The following KCTD1 variants were observed in gnomAD, a reference collection of about 807,000 sequenced individuals.
KCTD1 encodes the protein potassium channel tetramerization domain containing 1, also known as BTB/POZ domain-containing protein KCTD1.
Under a neutral mutation model 66.0 loss-of-function variants are expected in KCTD1, and 24 were observed. The ratio of observed to expected loss-of-function variants is 0.36; its 90% CI spans 0.26 to 0.51. The LOEUF (loss-of-function observed/expected upper bound fraction) is 0.51, where lower values mean the gene tolerates loss of function less well. KCTD1 is among the 20% of genes least tolerant of loss of function. The pLI, the probability that KCTD1 is intolerant of heterozygous loss-of-function variation, is 0.95. For synonymous variants in KCTD1, 511 were observed against 517.2 expected, an observed-to-expected ratio of 0.99 and a Z score of 0.16; for missense variants, 943 against 1,205.2, an observed-to-expected ratio of 0.78 and a Z score of 3.22.
At chr18:26,532,192 A>G (rs1031410916) in intron 1 of KCTD1, among the ~76,000 whole-genome samples, 2 of 152,112 alleles carry the variant, frequency 1.3e-5, no homozygotes, top group African/African-American at 2.4e-5. Flanking sequence ...TCAAGAAGGA[A>G]AGAGATTCTG....
At chr18:26,550,767 G>T (rs926046633), upstream of KCTD1, among the ~76,000 whole-genome samples, 1 of 152,234 alleles carries the variant, frequency 6.6e-6, no homozygotes, top group Non-Finnish European at 1.5e-5. This position sits in a 1 kb window ranked among gnomAD's most constrained non-coding sequence, Gnocchi z 5.4. Context: ...GCGGTGAGCA[G>T]CTAAGTTAGT....
At chr18:26,495,576 G>C (rs917743297) in intron 2 of KCTD1, among the ~76,000 whole-genome samples, 17 of 152,084 alleles carry the variant, frequency 1.1e-4, no homozygotes, top group African/African-American at 4.1e-4. Flanking sequence ...ACCTACATAT[G>C]CCAGCATGCT....
At chr18:26,505,908 C>T (rs9962999) in intron 1 of KCTD1, among the ~76,000 whole-genome samples, 63,644 of 151,826 alleles carry the variant, frequency 0.42, 14,589 homozygotes, top group South Asian at 0.55. Flanking sequence ...AGGGTCTCAC[C>T]TCTGTCACTC....
At position 26,596,265 on chromosome 18, in the gene KCTD1, G is replaced by GCT. The variant is rs376630903; in HGVS notation, c.-16+32880_-16+32881dup. ...CCCTTATAGGAAGATATACCAGAAA[G>GCT]CTCTCTCTCTCTCTCTTTCTTCTTT... On this transcript the variant is annotated intron_variant, in intron 1 of 4. Coordinates refer to the KCTD1 transcript ENST00000317932. Among the ~76,000 whole-genome samples, 376 of 150,558 alleles carry GCT rather than the reference G, an allele frequency of 2.5e-3. 4 individuals carry two copies. The highest frequency in any genetic ancestry group is 8.6e-3 in the African/African-American group (352 of 41,080).
chr18:26,526,703 C>T (rs540942121), intron 1 of KCTD1, among the ~76,000 whole-genome samples: 1 of 152,220 alleles, frequency 6.6e-6, no homozygotes, highest in African/African-American at 2.4e-5. Context: ...CCAGGAGGGG[C>T]TCAGTCAACA....
intron 1 of KCTD1, among the ~76,000 whole-genome samples, chr18:26,510,133 C>T (rs953183550): frequency 9.9e-5 from 15 of 152,146 alleles, no homozygotes; most frequent in Non-Finnish European, 1.3e-4. Flanking sequence ...GGTCGCTGAG[C>T]GGCAAGGCCC....
intron 1 of KCTD1, among the ~76,000 whole-genome samples, chr18:26,638,343 T>TA (rs570539789): frequency 6.1e-5 from 9 of 148,662 alleles, no homozygotes; most frequent in African/African-American, 1.2e-4. Flanking sequence ...TTCCAGTAGT[T>TA]AAAAAAAAAA....
chr18:26,643,528 G>C (rs1043268714), upstream of KCTD1, among the ~76,000 whole-genome samples: 1 of 152,180 alleles, frequency 6.6e-6, no homozygotes, highest in African/African-American at 2.4e-5. Context: ...GGAATAGAGG[G>C]AGTGGACATC....
At chr18:26,582,844 T>C (rs1204811129) in intron 1 of KCTD1, among the ~76,000 whole-genome samples, 1 of 152,042 alleles carries the variant, frequency 6.6e-6, no homozygotes, top group Admixed American at 6.5e-5. Flanking sequence ...GTTCTTTGCA[T>C]AGACTATCTT....
chr18:26,455,522 CAT>C lies in KCTD1; in HGVS notation c.*219_*220del, dbSNP rs1178094077. On this transcript the variant is annotated 3_prime_UTR_variant, in exon 5 of 5. Coordinates refer to ENST00000580059, the MANE Select transcript of KCTD1 (RefSeq NM_001142730.3). ...CTTTTTTGCATTTCCTACCTTTTGACATATATATATATATTTATATATTTTTT... is the reference window on the plus strand; with the variant it reads ...CTTTTTTGCATTTCCTACCTTTTGACATATATATATATTTATATATTTTTT... 3.0e-3 allele frequency: 730 copies of C among 243,816 alleles called. No individual in the cohort carries two copies. The highest frequency in any genetic ancestry group is 6.2e-3 in the Middle Eastern group (5 of 802). The allele number at this position is 243,816 out of a possible 1,614,324, so 15.1% of individuals were successfully genotyped here.
intron 1 of KCTD1, among the ~76,000 whole-genome samples, chr18:26,654,546 A>C (rs1370905): frequency 0.48 from 72,717 of 152,026 alleles, 17,820 homozygotes; most frequent in Non-Finnish European, 0.55. Flanking sequence ...GAAGAGAGAC[A>C]TCTAGTGTGT....
At position 26,547,215 on chromosome 18, in the gene KCTD1, G is replaced by A. The variant is rs1567988760; in HGVS notation, c.1322C>T (p.Ala441Val). The A allele has an allele frequency of 6.4e-7, 1 of 1,550,724 alleles. No homozygotes were observed. Among genetic ancestry groups the A allele is most frequent in the Non-Finnish European group, 8.7e-7 (1 of 1,146,776 alleles). ...GGTGTAGGTCTTGGAGAGCTTGGCC[G>A]CCTTGGAGAGCATCTGCATCCGAGT... ...LGTRMQMLSKAAKLSKTYTNH... is the reference protein window; with the variant it reads ...LGTRMQMLSKVAKLSKTYTNH... The change falls in exon 1 of 5, where the codon GCG becomes GTG. Residue 441 changes from alanine (A) to valine (V), a missense_variant. By Grantham distance (64) the Ala-to-Val change is moderately conservative (BLOSUM62 0). This residue lies in a region of KCTD1 where 79 missense variants were observed against 133.9 expected (regional missense o/e 0.59). Coordinates refer to ENST00000580059, the MANE Select transcript of KCTD1 (RefSeq NM_001142730.3).
intron 1 of KCTD1, among the ~76,000 whole-genome samples, chr18:26,587,725 C>G (rs1217693501): frequency 1.3e-5 from 2 of 152,070 alleles, no homozygotes; most frequent in Non-Finnish European, 2.9e-5. Context: ...TTCAGGGGCT[C>G]AAGACATCAA....
chr18:26,614,454 G>A (rs1039265910), intron 1 of KCTD1, among the ~76,000 whole-genome samples: 6 of 152,202 alleles, frequency 3.9e-5, no homozygotes, highest in African/African-American at 1.4e-4. Flanking sequence ...GTGGGGAGAG[G>A]CAGGGGAGTT....
At chr18:26,584,538 C>T (rs141359118) in intron 1 of KCTD1, among the ~76,000 whole-genome samples, 1 of 152,246 alleles carries the variant, frequency 6.6e-6, no homozygotes, top group African/African-American at 2.4e-5. Flanking sequence ...ATCTTTCAGT[C>T]ATTCATTCAA....
At chr18:26,653,418 C>A (rs562581778) in intron 1 of KCTD1, among the ~76,000 whole-genome samples, 33 of 152,298 alleles carry the variant, frequency 2.2e-4, no homozygotes, top group Non-Finnish European at 4.7e-4. Flanking sequence ...GCACTTCTGA[C>A]CCTGGTCCAG....
intron 2 of KCTD1, among the ~76,000 whole-genome samples, chr18:26,480,896 G>A (rs1470324621): frequency 1.3e-5 from 2 of 152,184 alleles, no homozygotes; most frequent in Non-Finnish European, 2.9e-5. Flanking sequence ...CCCTGGCATC[G>A]TGTGCTGTCC....
chr18:26,508,763 TATGGC>T (rs1983183951), intron 1 of KCTD1, among the ~76,000 whole-genome samples: 1 of 152,064 alleles, frequency 6.6e-6, no homozygotes, highest in African/African-American at 2.4e-5. Context: ...ATCTGTATTA[TATGGC>T]ATACTTGGAT....
At chr18:26,631,227 A>G (rs1987611329), upstream of KCTD1, among the ~76,000 whole-genome samples, 1 of 152,246 alleles carries the variant, frequency 6.6e-6, no homozygotes, top group Non-Finnish European at 1.5e-5. Flanking sequence ...ACATATCATT[A>G]CATTCATGTA....
Sources: gnomAD v4.1 joint callset for allele counts (sites outside exome capture counted in the v4.1 genomes callset) on GRCh38, gnomAD v4.1.1 for gene constraint, gnomAD v4.1.1 regional missense constraint, Gnocchi (gnomAD v3.1) non-coding constraint, MANE v1.5 for transcripts, NCBI Gene and HGNC (gene_info 2026-07-23, HGNC 2026-07-21) for gene names.